Variants in FAN1 observed in about 807,000 individuals in gnomAD.
FAN1 encodes the protein FANCD2 and FANCI associated nuclease 1, also known as fanconi-associated nuclease 1.
In FAN1, 91 loss-of-function variants were observed where a neutral mutation model predicts 104.9. The ratio of observed to expected loss-of-function variants is 0.87; its 90% confidence interval spans 0.73 to 1.03. The LOEUF (loss-of-function observed/expected upper bound fraction) is 1.03. FAN1 is among the 50% of genes least tolerant of loss of function. The probability of loss-of-function intolerance (pLI) is 0.00; values close to 1 mark genes in which losing one functional copy is unlikely to be tolerated. For missense variants in FAN1, 1,263 were observed against 1,239.9 expected (o/e 1.02, Z -0.28); for synonymous variants, 478 against 457.6 (o/e 1.04, Z -0.57).
intron 14 of FAN1, among the ~76,000 whole-genome samples, chr15:30,938,597 TAGAA>T (rs2062935094): frequency 6.6e-6 from 1 of 152,132 alleles, no homozygotes; most frequent in Admixed American, 6.5e-5. Flanking sequence ...GGGGGTGTGG[TAGAA>T]AGGTGATTTA....
intron 4 of FAN1, 82 bp downstream of exon 4, chr15:30,910,897 G>A (rs1339451322): frequency 1.4e-6 from 2 of 1,469,276 alleles, no homozygotes; most frequent in East Asian, 5.0e-5. Context: ...ATACTTGATT[G>A]AACTGTAATT....
intron 14 of FAN1, among the ~76,000 whole-genome samples, chr15:30,938,607 A>G (rs2140975947): frequency 6.6e-6 from 1 of 152,148 alleles, no homozygotes; most frequent in South Asian, 2.1e-4. Flanking sequence ...TAGAAAGGTG[A>G]TTTATCCATG....
chr15:30,926,723 C>T (rs1049404637), intron 10 of FAN1: 8 of 985,296 alleles, frequency 8.1e-6, no homozygotes, highest in African/African-American at 1.7e-5. Context: ...CCCCGAGAGA[C>T]GTGGAAACTG....
Position 30,922,163 on chromosome 15 carries a change from T to C in FAN1, c.2053-72T>C, listed in dbSNP as rs2062348754. 7 of 1,554,418 alleles carry C rather than the reference T, an allele frequency of 4.5e-6. No homozygotes were observed. In the South Asian group the frequency reaches 8.4e-5, roughly 19 times the overall value. The stretch of plus-strand genomic sequence containing the variant: ...TTATAAATAGGCTTTACCAATCCTA[T>C]GGGCTTGTAAATATCATTGCAGCTG... On this transcript the variant is annotated intron_variant, in intron 7 of 14. Transcript: ENST00000362065.
chr15:30,919,161 A>G (rs1446115638), intron 6 of FAN1, among the ~76,000 whole-genome samples: 1 of 152,078 alleles, frequency 6.6e-6, no homozygotes, highest in African/African-American at 2.4e-5. Context: ...CTGGCAGATC[A>G]CCTGAGGTCG....
At chr15:30,927,720 T>C in intron 10 of FAN1, 1 of 985,566 alleles carries the variant, frequency 1.0e-6, no homozygotes. Context: ...GGGAGAGGCA[T>C]CCATGTGGCC....
chr15:30,906,598 A>T, intron 2 of FAN1: 1 of 444,636 alleles, frequency 2.2e-6, no homozygotes, highest in South Asian at 1.6e-5. Flanking sequence ...AGGAAAAAAC[A>T]TGGTAGTCAC....
chr15:30,908,432 C>T (rs552320033), intron 3 of FAN1, among the ~76,000 whole-genome samples, 174 bp downstream of exon 3: 1 of 152,264 alleles, frequency 6.6e-6, no homozygotes, highest in African/African-American at 2.4e-5. Flanking sequence ...ATGCTAAAGC[C>T]ATTCTTAGCC....
rs920053576 is a variant in FAN1, at chr15:30,920,478, C to T, written c.1944-67C>T. The T allele has an allele frequency of 4.0e-6, 4 of 1,004,424 alleles. No individual in the cohort carries two copies. In the Admixed American group the frequency reaches 7.7e-5, roughly 19 times the overall value. The allele number at this position is 1,004,424 out of a possible 1,614,324, so 62.2% of individuals were successfully genotyped here. ...GATAGGAATTCAGTCTGCTTTGTCA[C>T]TTGTTATTATTGTCTTATAATAAAT... On this transcript the variant is annotated intron_variant, in intron 6 of 14. Transcript: ENST00000362065.
intron 14 of FAN1, chr15:30,939,554 GATT>G (rs1466410838): frequency 1.0e-6 from 1 of 961,474 alleles, no homozygotes; most frequent in Non-Finnish European, 1.2e-6. Flanking sequence ...TTTTACATTT[GATT>G]ATCATACAAA....
Position 30,918,204 on chromosome 15 carries a change from GCAATGGC to G in FAN1, c.1859_1865del (p.Ala620GlyfsTer20), listed in dbSNP as rs1401195044. The G allele has an allele frequency of 3.7e-6, 6 of 1,613,792 alleles. No homozygotes were observed. The African/African-American group carries it at 5.3e-5, about 14-fold the overall frequency. ...GCACATGCTGAGTGACATTTCTTCC[GCAATGGC>G]CAATGGGAACTGGGAAGAAGCTAAG... On this transcript the variant is annotated frameshift_variant, in exon 6 of 15. Transcript: ENST00000362065. LOFTEE classifies it high-confidence loss of function.
rs2140898620 is a variant in FAN1 at position 30,905,914 on chromosome 15, T to G, written c.1234+17T>G. 1 of 1,598,156 alleles carries G rather than the reference T, an allele frequency of 6.3e-7. No individual in the cohort carries two copies. The highest frequency in any genetic ancestry group is 8.5e-7 in the Non-Finnish European group (1 of 1,171,656). On this transcript the variant is annotated intron_variant, in intron 2 of 14. Coordinates refer to ENST00000362065, the MANE Select transcript of FAN1 (RefSeq NM_014967.5). ...AGTTATCAGGTATCTTACGCACGTG[T>G]TTGTTTTCAAGTTTTCATTCCCCTT...
intron 3 of FAN1, 25 bp from the exon 4 acceptor site, chr15:30,910,589 A>C (rs2062077015): frequency 1.3e-6 from 2 of 1,485,332 alleles, no homozygotes; most frequent in Non-Finnish European, 1.8e-6. Flanking sequence ...AAATTTAAAA[A>C]AACTTTTTTT....
At chr15:30,940,135 AAC>A (rs2062989574) in intron 14 of FAN1, 1 of 985,366 alleles carries the variant, frequency 1.0e-6, no homozygotes, top group Non-Finnish European at 1.2e-6. Flanking sequence ...CAGTTTAAGA[AAC>A]AGTCAAATTT....
In FAN1 at chr15:30,929,001, A is replaced by G. The variant is rs949341008; in HGVS notation, c.2593-202A>G. ...GCCTGTTCAGAGGTCCACCCAGCTA[A>G]GCGAAAAGCTGTTTTTGCAAATTAT... On this transcript the variant is annotated intron_variant, in intron 11 of 14. Transcript: ENST00000362065. Among the ~76,000 whole-genome samples, 130 of 152,330 alleles carry G rather than the reference A, an allele frequency of 8.5e-4. 1 individual carries two copies. The highest frequency in any genetic ancestry group is 3.0e-3 in the African/African-American group (123 of 41,578).
intron 5 of FAN1, among the ~76,000 whole-genome samples, chr15:30,915,490 C>G (rs1400363019): frequency 6.6e-6 from 1 of 152,012 alleles, no homozygotes; most frequent in Non-Finnish European, 1.5e-5. Context: ...GAGGTGATGC[C>G]TGGTATGGCA....
intron 14 of FAN1, chr15:30,939,830 AAATGTTT>A: frequency 1.0e-6 from 1 of 985,254 alleles, no homozygotes; most frequent in Non-Finnish European, 1.2e-6. Context: ...AAGGACTGTA[AAATGTTT>A]AATAATTCTA....
rs1221186506 is a variant in FAN1 at position 30,932,666 on chromosome 15, G to GTCC, written c.2916+1996_2916+1998dup. Among the ~76,000 whole-genome samples the GTCC allele has an allele frequency of 2.7e-5, 4 of 150,192 alleles. No homozygotes were observed. In the East Asian group the frequency reaches 7.8e-4, roughly 29 times the overall value. On this transcript the variant is annotated intron_variant, in intron 13 of 14. Transcript: ENST00000362065. ...CTAGTTTGTGTCTTTCAAGGAATTTGTCCATTTCATTTAAGTATTGTCTTA... is the reference window on the plus strand; with the variant it reads ...CTAGTTTGTGTCTTTCAAGGAATTTGTCCTCCATTTCATTTAAGTATTGTCTTA...
At chr15:30,926,728 A>C (rs2062472912) in intron 10 of FAN1, 14 of 985,478 alleles carry the variant, frequency 1.4e-5, no homozygotes, top group Non-Finnish European at 1.4e-5. Context: ...AGAGACGTGG[A>C]AACTGGACAC....
Sources: allele counts gnomAD v4.1 joint callset (sites outside exome capture counted in the v4.1 genomes callset), GRCh38; gene constraint gnomAD v4.1.1; transcripts MANE v1.5; gene names NCBI Gene and HGNC (gene_info 2026-07-23, HGNC 2026-07-21).